The following SUGCT variants were observed in gnomAD, a reference collection of about 807,000 sequenced individuals.
SUGCT encodes the protein succinyl-CoA:glutarate-CoA transferase.
SUGCT carries 41 observed loss-of-function variants against 55.0 expected under a neutral mutation model. The ratio of observed to expected loss-of-function variants is 0.74; its 90% confidence interval spans 0.58 to 0.97. The LOEUF (loss-of-function observed/expected upper bound fraction) is 0.97, where lower values mean the gene tolerates loss of function less well. Ranked by LOEUF, SUGCT falls within the 50% of genes least tolerant of loss-of-function variation. The probability of loss-of-function intolerance (pLI) is 0.00; values close to 1 mark genes in which losing one functional copy is unlikely to be tolerated. For synonymous variants in SUGCT, 187 were observed against 200.4 expected, an observed-to-expected ratio of 0.93 and a Z score of 0.56; for missense variants, 568 against 547.8, an observed-to-expected ratio of 1.04 and a Z score of -0.37.
intron 9 of SUGCT, among the ~76,000 whole-genome samples, chr7:40,374,453 G>C (rs565968991): frequency 8.5e-5 from 13 of 152,128 alleles, no homozygotes; most frequent in Non-Finnish European, 1.5e-5. Flanking sequence ...TTTCCATCAA[G>C]TGGGGACACA....
chr7:40,762,203 TAAG>T (rs1173089962), intron 13 of SUGCT, among the ~76,000 whole-genome samples: 3 of 152,230 alleles, frequency 2.0e-5, no homozygotes, highest in Non-Finnish European at 4.4e-5. Context: ...AGAAATCACT[TAAG>T]AAGAAAACAT....
chr7:40,686,609 T>A (rs1488142012), intron 12 of SUGCT, among the ~76,000 whole-genome samples: 1 of 95,588 alleles, frequency 1.0e-5, no homozygotes, highest in African/African-American at 3.8e-5. Flanking sequence ...GTAAGCGGGC[T>A]TTTTCATTGA....
At chr7:40,973,797 C>T in the SUGCT span, among the ~76,000 whole-genome samples, 42,844 of 152,030 alleles carry the variant, frequency 0.28, 7,567 homozygotes, top group Admixed American at 0.45. Flanking sequence ...TTCTAATAGC[C>T]CTTGTATTTT....
intron 13 of SUGCT, among the ~76,000 whole-genome samples, chr7:40,832,531 G>T (rs1254994902): frequency 6.7e-6 from 1 of 150,204 alleles, no homozygotes. Context: ...TTTTCTGTTT[G>T]GTTGGTTTTT....
the SUGCT span, among the ~76,000 whole-genome samples, chr7:40,974,401 C>T: frequency 6.6e-6 from 1 of 152,242 alleles, no homozygotes; most frequent in Non-Finnish European, 1.5e-5. Context: ...AGGGCTGATG[C>T]CCTTATAGAA....
intron 12 of SUGCT, among the ~76,000 whole-genome samples, chr7:40,616,662 G>A (rs1799017125): frequency 1.3e-5 from 2 of 152,206 alleles, no homozygotes; most frequent in Admixed American, 6.5e-5. Context: ...TGGGACCATG[G>A]AACGAGTGAA....
At chr7:40,434,918 A>G (rs1788091820) in intron 9 of SUGCT, among the ~76,000 whole-genome samples, 1 of 152,046 alleles carries the variant, frequency 6.6e-6, no homozygotes, top group Non-Finnish European at 1.5e-5. Flanking sequence ...ACTCCATGAG[A>G]ATTTCACCTG....
the SUGCT span, among the ~76,000 whole-genome samples, chr7:40,973,459 TC>T: frequency 3.9e-5 from 6 of 152,214 alleles, no homozygotes; most frequent in South Asian, 1.0e-3. Flanking sequence ...AGTTTCAGTG[TC>T]TCTCTTTTCC....
At chr7:40,622,323 A>C (rs1799298119) in intron 12 of SUGCT, among the ~76,000 whole-genome samples, 1 of 152,114 alleles carries the variant, frequency 6.6e-6, no homozygotes. Context: ...TGAACTTCTG[A>C]AACTTGATGA....
intron 9 of SUGCT, among the ~76,000 whole-genome samples, chr7:40,324,727 T>C (rs1332772494): frequency 1.3e-5 from 2 of 152,214 alleles, no homozygotes; most frequent in Non-Finnish European, 2.9e-5. Flanking sequence ...ATGTGGTCTG[T>C]GCTTTGCAGA....
intron 12 of SUGCT, among the ~76,000 whole-genome samples, chr7:40,706,595 A>G (rs187031365): frequency 2.9e-4 from 44 of 152,318 alleles, no homozygotes; most frequent in African/African-American, 9.9e-4. Context: ...CTTGATTATA[A>G]TAAGTGGAAA....
the SUGCT span, among the ~76,000 whole-genome samples, chr7:40,920,014 C>A: frequency 6.6e-6 from 1 of 151,928 alleles, no homozygotes; most frequent in African/African-American, 2.4e-5. Flanking sequence ...CATGGTGTTG[C>A]CTCCTTTTCT....
chr7:41,012,449 G>C, the SUGCT span, among the ~76,000 whole-genome samples: 1 of 152,160 alleles, frequency 6.6e-6, no homozygotes, highest in African/African-American at 2.4e-5. Context: ...TTCTTAACCT[G>C]TAAAATAGGA....
intron 7 of SUGCT, among the ~76,000 whole-genome samples, chr7:40,269,222 G>A (rs1197627047): frequency 2.0e-5 from 3 of 152,006 alleles, no homozygotes; most frequent in Admixed American, 1.3e-4. Flanking sequence ...CTTTTCATGT[G>A]CCCATTGGTC....
chr7:40,987,550 T>C, the SUGCT span, among the ~76,000 whole-genome samples: 44 of 152,132 alleles, frequency 2.9e-4, no homozygotes, highest in Non-Finnish European at 1.5e-5. Context: ...ATACTATATA[T>C]GCTGGAGGTT....
chr7:40,927,829 C>T, the SUGCT span, among the ~76,000 whole-genome samples: 27 of 152,202 alleles, frequency 1.8e-4, no homozygotes, highest in African/African-American at 6.5e-4. Flanking sequence ...ATTGCCTGAG[C>T]TCGTATGTTT....
intron 8 of SUGCT, among the ~76,000 whole-genome samples, chr7:40,312,678 G>A (rs1795223764): frequency 6.6e-6 from 1 of 152,150 alleles, no homozygotes; most frequent in Non-Finnish European, 1.5e-5. Flanking sequence ...TTCATTCGGG[G>A]GCAGGAAATA....
intron 9 of SUGCT, among the ~76,000 whole-genome samples, chr7:40,408,399 C>T (rs1476405017): frequency 1.3e-5 from 2 of 151,992 alleles, no homozygotes; most frequent in Non-Finnish European, 2.9e-5. Flanking sequence ...TTTATCCCAT[C>T]CTAGTATGCC....
At chr7:40,823,827 C>A (rs1279893035) in intron 13 of SUGCT, among the ~76,000 whole-genome samples, 1 of 152,120 alleles carries the variant, frequency 6.6e-6, no homozygotes, top group African/African-American at 2.4e-5. Flanking sequence ...AAGAGAAGGG[C>A]CTGGCATCAC....
Sources: gnomAD v4.1 joint callset for allele counts (sites outside exome capture counted in the v4.1 genomes callset) on GRCh38, gnomAD v4.1.1 for gene constraint, MANE v1.5 for transcripts, NCBI Gene and HGNC (gene_info 2026-07-23, HGNC 2026-07-21) for gene names.